CADM2: variants seen among roughly 807,000 people sequenced by gnomAD.
The protein encoded by CADM2 is cell adhesion molecule 2.
A neutral mutation model predicts 49.8 loss-of-function variants in CADM2; 12 were observed. The observed-to-expected ratio is 0.24, with a 90% CI of 0.15 to 0.39. The LOEUF (loss-of-function observed/expected upper bound fraction) is 0.39. CADM2 is among the 10% of genes least tolerant of loss of function. The probability of loss-of-function intolerance (pLI) is 1.00; values close to 1 mark genes in which losing one functional copy is unlikely to be tolerated. For synonymous variants in CADM2, 214 were observed against 175.4 expected (o/e 1.22, Z -1.74); for missense variants, 378 against 492.3 (o/e 0.77, Z 2.20).
intron 1 of CADM2, among the ~76,000 whole-genome samples, chr3:85,714,631 C>T (rs886787354): frequency 4.6e-5 from 7 of 151,914 alleles, no homozygotes; most frequent in African/African-American, 1.7e-4. Context: ...GGGGTTTCAC[C>T]GTGTTAGCTA....
At chr3:85,827,171 G>T (rs763262563) in intron 3 of CADM2, among the ~76,000 whole-genome samples, 9 of 151,788 alleles carry the variant, frequency 5.9e-5, no homozygotes, top group South Asian at 2.1e-4. Flanking sequence ...TCATTAAGAT[G>T]AATAAAATTG....
chr3:85,579,365 C>T (rs1183762368), intron 1 of CADM2, among the ~76,000 whole-genome samples: 1 of 152,104 alleles, frequency 6.6e-6, no homozygotes, highest in African/African-American at 2.4e-5. Flanking sequence ...CCCATTTGGT[C>T]TCACAATCAC....
chr3:85,453,498 G>A (rs1318379249), intron 1 of CADM2, among the ~76,000 whole-genome samples: 1 of 151,848 alleles, frequency 6.6e-6, no homozygotes, highest in Non-Finnish European at 1.5e-5. Flanking sequence ...GTACATATTA[G>A]CATTTTATAT....
At chr3:85,845,251 C>T (rs2074828580) in intron 3 of CADM2, among the ~76,000 whole-genome samples, 2 of 151,752 alleles carry the variant, frequency 1.3e-5, no homozygotes. Context: ...ATGGCTCTCA[C>T]AAGACAGATA....
intron 1 of CADM2, among the ~76,000 whole-genome samples, chr3:84,990,087 T>C (rs1429327153): frequency 1.3e-5 from 2 of 151,794 alleles, no homozygotes; most frequent in Non-Finnish European, 3.0e-5. Flanking sequence ...TAATATTTAA[T>C]GATCCCATTA....
intron 8 of CADM2, among the ~76,000 whole-genome samples, chr3:86,049,767 C>T (rs1006724378): frequency 6.6e-6 from 1 of 152,136 alleles, no homozygotes; most frequent in Admixed American, 6.5e-5. Flanking sequence ...CATGAGAACT[C>T]ACTCACTATC....
intron 1 of CADM2, among the ~76,000 whole-genome samples, chr3:85,339,117 G>C (rs1325171067): frequency 2.0e-5 from 3 of 151,330 alleles, no homozygotes; most frequent in Admixed American, 6.6e-5. Flanking sequence ...TCTGAGCCTT[G>C]GTTCTTTGAT....
chr3:85,842,948 A>G (rs4856279), intron 3 of CADM2, among the ~76,000 whole-genome samples: 106,868 of 151,934 alleles, frequency 0.7, 39,130 homozygotes, highest in African/African-American at 0.92. Flanking sequence ...ACAATTGTGG[A>G]CATGCATTCA....
chr3:85,495,421 T>C (rs1402137636), intron 1 of CADM2, among the ~76,000 whole-genome samples: 1 of 152,142 alleles, frequency 6.6e-6, no homozygotes, highest in Non-Finnish European at 1.5e-5. Flanking sequence ...TTTCTTCCTT[T>C]AGCTAAAACT....
intron 2 of CADM2, among the ~76,000 whole-genome samples, chr3:85,780,868 T>C (rs1165459074): frequency 6.6e-6 from 1 of 152,146 alleles, no homozygotes; most frequent in Non-Finnish European, 1.5e-5. Context: ...GGCTTAACCT[T>C]GTGACTTGTT....
intron 3 of CADM2, among the ~76,000 whole-genome samples, chr3:85,868,464 T>C (rs1002330838): frequency 1.3e-5 from 2 of 152,116 alleles, no homozygotes; most frequent in Admixed American, 6.5e-5. Flanking sequence ...ATTGACAGCC[T>C]GTTATCTTGA....
chr3:85,585,953 AT>A (rs34716489), intron 1 of CADM2, among the ~76,000 whole-genome samples: 1 of 151,964 alleles, frequency 6.6e-6, no homozygotes, highest in Non-Finnish European at 1.5e-5. Flanking sequence ...AAATGTTATC[AT>A]TTTTTTAATG....
chr3:85,042,719 A>T (rs1260979004), intron 1 of CADM2, among the ~76,000 whole-genome samples: 4 of 152,170 alleles, frequency 2.6e-5, no homozygotes, highest in Non-Finnish European at 5.9e-5. Context: ...CTGCATATGG[A>T]TATTAGCAGT....
intron 1 of CADM2, among the ~76,000 whole-genome samples, chr3:85,530,362 A>C (rs1352692016): frequency 8.7e-6 from 1 of 114,936 alleles, no homozygotes; most frequent in Admixed American, 1.3e-4. Flanking sequence ...ACGGAGTCTC[A>C]CTCTGTCGCC....
rs185727274 is a variant in CADM2, at chr3:85,538,471, C to T, written c.62-188051C>T. 2.0e-4 allele frequency among the ~76,000 whole-genome samples: 30 copies of T among 152,136 alleles called. 1 individual carries two copies. In the East Asian group the frequency reaches 3.9e-3, roughly 20 times the overall value. On this transcript the variant is annotated intron_variant, in intron 1 of 9. Transcript: ENST00000383699. ...AAAGTAGCTTGTGCCCTTTCCACTTCGCCACAGCTGCTTTCATGAATGAAA... is the reference window on the plus strand; with the variant it reads ...AAAGTAGCTTGTGCCCTTTCCACTTTGCCACAGCTGCTTTCATGAATGAAA...
chr3:85,539,984 G>A (rs539835617), intron 1 of CADM2, among the ~76,000 whole-genome samples: 1 of 152,182 alleles, frequency 6.6e-6, no homozygotes, highest in South Asian at 2.1e-4. Flanking sequence ...TCTGATTCTT[G>A]GAATAGGTAT....
At chr3:85,493,608 A>G (rs78213864) in intron 1 of CADM2, among the ~76,000 whole-genome samples, 3,035 of 152,270 alleles carry the variant, frequency 0.02, 86 homozygotes, top group African/African-American at 0.068. Flanking sequence ...AAAAAACTTT[A>G]TGTCTTTTTA....
At chr3:85,174,309 A>G (rs2040715315) in intron 1 of CADM2, among the ~76,000 whole-genome samples, 1 of 152,146 alleles carries the variant, frequency 6.6e-6, no homozygotes, top group Non-Finnish European at 1.5e-5. Context: ...ACATAAGAGT[A>G]GTTTAAATTG....
chr3:85,558,784 C>T (rs945724093), intron 1 of CADM2, among the ~76,000 whole-genome samples: 1 of 152,046 alleles, frequency 6.6e-6, no homozygotes, highest in African/African-American at 2.4e-5. Flanking sequence ...ATCTTAACCC[C>T]ATCCATATGT....
Sources: allele counts gnomAD v4.1 joint callset (sites outside exome capture counted in the v4.1 genomes callset), GRCh38; gene constraint gnomAD v4.1.1; transcripts MANE v1.5; gene names NCBI Gene and HGNC (gene_info 2026-07-23, HGNC 2026-07-21).